Variants in CDON observed in about 807,000 individuals in gnomAD.
The protein encoded by CDON is cell adhesion associated, oncogene regulated.
In CDON, 73 loss-of-function variants were observed where a neutral mutation model predicts 120.9. That is an observed-to-expected ratio of 0.60 (90% CI 0.50 to 0.73). The LOEUF is 0.73. Among genes scored for constraint, CDON ranks in the 30% least tolerant of loss-of-function variants. CDON has a pLI of 0.00. For missense variants in CDON, 1,470 were observed against 1,587.3 expected (o/e 0.93, Z 1.26); for synonymous variants, 566 against 573.5 (o/e 0.99, Z 0.19).
chr11:126,023,342 G>T, intron 2 of CDON, 59 bp downstream of exon 2: 1 of 1,046,926 alleles, frequency 9.6e-7, no homozygotes, highest in Non-Finnish European at 1.5e-6. Flanking sequence ...ACAAATTTAT[G>T]TTTTATAGGA....
At chr11:126,012,193 C>T (rs1429694733) in intron 7 of CDON, among the ~76,000 whole-genome samples, 1 of 152,130 alleles carries the variant, frequency 6.6e-6, no homozygotes, top group Non-Finnish European at 1.5e-5. Context: ...TGTCAAGGTC[C>T]TTAAAATATT....
intron 18 of CDON, among the ~76,000 whole-genome samples, chr11:125,971,985 ATTAAAATCCAT>A (rs1946012832): frequency 6.6e-6 from 1 of 152,224 alleles, no homozygotes; most frequent in Non-Finnish European, 1.5e-5. Flanking sequence ...ATGTTTTTTG[ATTAAAATCCAT>A]TTAACTCTTG....
intron 1 of CDON, among the ~76,000 whole-genome samples, chr11:126,054,407 T>C (rs912294098): frequency 2.6e-5 from 4 of 152,238 alleles, no homozygotes; most frequent in African/African-American, 4.8e-5. Flanking sequence ...ATTCCAGTCA[T>C]AGTGTGATAA....
intron 8 of CDON, 66 bp from the exon 9 acceptor site, chr11:126,006,123 G>T: frequency 6.9e-7 from 1 of 1,449,614 alleles, no homozygotes. Context: ...TACCCAGTTT[G>T]TGACGTGACT....
At chr11:126,046,524 T>G (rs1948411588) in intron 1 of CDON, among the ~76,000 whole-genome samples, 1 of 152,174 alleles carries the variant, frequency 6.6e-6, no homozygotes, top group South Asian at 2.1e-4. Flanking sequence ...TAAAAATATT[T>G]AAGACAAGCA....
chr11:125,999,724 C>A (rs1021760397), intron 11 of CDON, among the ~76,000 whole-genome samples: 1 of 152,132 alleles, frequency 6.6e-6, no homozygotes, highest in Non-Finnish European at 1.5e-5. Flanking sequence ...AGGTCCTCCC[C>A]TTCCTCCATC....
At chr11:126,024,899 G>A (rs985994548) in intron 1 of CDON, among the ~76,000 whole-genome samples, 6 of 152,134 alleles carry the variant, frequency 3.9e-5, no homozygotes, top group Admixed American at 3.9e-4. Context: ...TATTTGTTCA[G>A]GGAGAATATA....
At chr11:126,004,218 A>G in intron 9 of CDON, 142 bp from the exon 10 acceptor site, 1 of 799,424 alleles carries the variant, frequency 1.3e-6, no homozygotes, top group Non-Finnish European at 2.1e-6. Context: ...TAAAAAAGAC[A>G]CAATACTTCT....
chr11:126,028,882 G>A (rs1947874803), intron 1 of CDON, among the ~76,000 whole-genome samples: 1 of 151,712 alleles, frequency 6.6e-6, no homozygotes, highest in African/African-American at 2.4e-5. Flanking sequence ...AACACTCTAT[G>A]AATATTTTGT....
intron 1 of CDON, among the ~76,000 whole-genome samples, chr11:126,049,682 C>T (rs1199068228): frequency 2.0e-5 from 3 of 152,088 alleles, no homozygotes; most frequent in Admixed American, 6.6e-5. Flanking sequence ...TAACAACTGA[C>T]AAAAGCAATA....
At chr11:126,052,090 T>C (rs148470064) in intron 1 of CDON, among the ~76,000 whole-genome samples, 1 of 150,514 alleles carries the variant, frequency 6.6e-6, no homozygotes, top group African/African-American at 2.5e-5. Context: ...GCCATGGGAT[T>C]AAAACAAAAC....
intron 1 of CDON, among the ~76,000 whole-genome samples, chr11:126,058,353 A>C (rs923721455): frequency 2.6e-5 from 4 of 152,216 alleles, no homozygotes; most frequent in Admixed American, 2.6e-4. Flanking sequence ...CAAAGCGACT[A>C]AACAGCTGTG....
At chr11:126,050,785 A>G (rs1948539963) in intron 1 of CDON, among the ~76,000 whole-genome samples, 1 of 151,934 alleles carries the variant, frequency 6.6e-6, no homozygotes, top group Non-Finnish European at 1.5e-5. Context: ...TTCTTTCCCA[A>G]TCCCCTGGAG....
chr11:126,028,040 A>G (rs1284455878), intron 1 of CDON, among the ~76,000 whole-genome samples: 2 of 147,804 alleles, frequency 1.4e-5, no homozygotes, highest in Non-Finnish European at 1.5e-5. Context: ...TATGTTGTCA[A>G]CATAATGCCT....
chr11:126,045,766 T>C (rs988754549), intron 1 of CDON, among the ~76,000 whole-genome samples: 17 of 151,928 alleles, frequency 1.1e-4, no homozygotes, highest in African/African-American at 4.1e-4. Context: ...AGGCTGGGAG[T>C]TTGAGACCAG....
intron 1 of CDON, among the ~76,000 whole-genome samples, chr11:126,038,428 G>C (rs1339784735): frequency 6.6e-6 from 1 of 152,142 alleles, no homozygotes; most frequent in Non-Finnish European, 1.5e-5. Flanking sequence ...GAGGCAGGAG[G>C]ATCACCTGAG....
Position 125,960,597 on chromosome 11 carries a change from C to G in CDON, c.*345G>C. ...ACGGGCCCCTGCATTCCCTCCTAGC[C>G]GAAGCAGCCAAGAGATGGGATCCTT... On this transcript the variant is annotated 3_prime_UTR_variant, in exon 20 of 20. Transcript: ENST00000531738. 1 of 296,440 alleles carries G rather than the reference C, an allele frequency of 3.4e-6. No individual in the cohort carries two copies. The highest frequency in any genetic ancestry group is 6.4e-6 in the Non-Finnish European group (1 of 156,868). 18.4% of individuals were successfully genotyped at this position (296,440 alleles called of 1,614,324 possible). A position where few individuals can be genotyped will look rare whatever the true frequency, so the allele number is the denominator to read the frequency against.
At chr11:125,990,413 C>T (rs1441102654) in intron 14 of CDON, among the ~76,000 whole-genome samples, 5 of 152,160 alleles carry the variant, frequency 3.3e-5, no homozygotes, top group Admixed American at 6.5e-5. Flanking sequence ...TTCTGTTATC[C>T]GTGGCACACA....
At chr11:125,986,293 G>A (rs182072193) in intron 15 of CDON, among the ~76,000 whole-genome samples, 7 of 152,176 alleles carry the variant, frequency 4.6e-5, no homozygotes, top group African/African-American at 9.6e-5. Context: ...ACTGGGGCCT[G>A]TCATGGGGGG....
Sources: allele counts gnomAD v4.1 joint callset (sites outside exome capture counted in the v4.1 genomes callset), GRCh38; gene constraint gnomAD v4.1.1; transcripts MANE v1.5; gene names NCBI Gene and HGNC (gene_info 2026-07-23, HGNC 2026-07-21).